TNPO3: variants seen among roughly 807,000 people sequenced by gnomAD.
The protein encoded by TNPO3 is transportin 3, also known as transportin-3.
A neutral mutation model predicts 122.8 loss-of-function variants in TNPO3; 65 were observed. The observed-to-expected ratio is 0.53, with a 90% confidence interval of 0.43 to 0.65. The LOEUF (loss-of-function observed/expected upper bound fraction) is 0.65. Among genes scored for constraint, TNPO3 ranks in the 30% least tolerant of loss-of-function variants. TNPO3 has a pLI of 0.00. For missense variants in TNPO3, 850 were observed against 1,136.7 expected (o/e 0.75, Z 3.63); for synonymous variants, 372 against 411.2 (o/e 0.90, Z 1.15).
chr7:128,977,875 C>T (rs1249218467), intron 16 of TNPO3, among the ~76,000 whole-genome samples: 8 of 152,106 alleles, frequency 5.3e-5, no homozygotes, highest in African/African-American at 1.9e-4. Flanking sequence ...GGATTACAGG[C>T]GTGAGGCACT....
At chr7:129,016,655 T>C (rs1803890264) in intron 3 of TNPO3, among the ~76,000 whole-genome samples, 1 of 152,182 alleles carries the variant, frequency 6.6e-6, no homozygotes, top group Non-Finnish European at 1.5e-5. Flanking sequence ...CAACCTCCCA[T>C]TTAATATAAT....
At chr7:129,042,464 C>G (rs1193233080) in intron 1 of TNPO3, among the ~76,000 whole-genome samples, 1 of 152,084 alleles carries the variant, frequency 6.6e-6, no homozygotes, top group East Asian at 1.9e-4. Flanking sequence ...CTAGAAAAGT[C>G]AGAATTTCCC....
At chr7:128,969,469 TAC>T (rs1491356345) in intron 20 of TNPO3, among the ~76,000 whole-genome samples, 9 of 109,794 alleles carry the variant, frequency 8.2e-5, no homozygotes, top group Non-Finnish European at 1.8e-4. Flanking sequence ...GAACTGCTTT[TAC>T]AGTAATATTA....
chr7:128,963,809 C>T (rs547469609), intron 21 of TNPO3, among the ~76,000 whole-genome samples: 101 of 152,186 alleles, frequency 6.6e-4, no homozygotes, highest in Non-Finnish European at 1.3e-4. Flanking sequence ...AGCTCTTGTA[C>T]CACTGCTTAA....
intron 21 of TNPO3, among the ~76,000 whole-genome samples, chr7:128,962,092 G>A (rs936679043): frequency 2.6e-4 from 40 of 152,254 alleles, no homozygotes; most frequent in African/African-American, 3.4e-4. Context: ...TTGGCCAGGC[G>A]CGGTGGCTCA....
At chr7:128,999,430 T>A (rs566608509) in intron 7 of TNPO3, among the ~76,000 whole-genome samples, 13 of 152,282 alleles carry the variant, frequency 8.5e-5, no homozygotes, top group African/African-American at 2.9e-4. Context: ...AATCTAGGTA[T>A]CCTCGTAACA....
chr7:128,991,768 C>T (rs1800770784), intron 10 of TNPO3, among the ~76,000 whole-genome samples: 1 of 152,102 alleles, frequency 6.6e-6, no homozygotes, highest in Non-Finnish European at 1.5e-5. Flanking sequence ...CATTCTATTC[C>T]TAGCATCAAG....
intron 1 of TNPO3, among the ~76,000 whole-genome samples, chr7:129,026,092 C>A (rs1255626522): frequency 6.8e-6 from 1 of 147,740 alleles, no homozygotes; most frequent in Non-Finnish European, 1.5e-5. Context: ...TGCCATTGCA[C>A]TCCAGCCTGG....
At chr7:128,970,420 G>A in intron 19 of TNPO3, 105 bp from the exon 20 acceptor site, 1 of 1,084,892 alleles carries the variant, frequency 9.2e-7, no homozygotes, top group Non-Finnish European at 1.3e-6. Flanking sequence ...GAAAGTGTGT[G>A]TGTGTGTGCA....
chr7:129,035,637 A>G (rs1207786807), intron 1 of TNPO3, among the ~76,000 whole-genome samples: 2 of 152,144 alleles, frequency 1.3e-5, no homozygotes, highest in Non-Finnish European at 2.9e-5. Flanking sequence ...AAGCAAAACC[A>G]AGTGACAACA....
chr7:129,003,991 C>T (rs901602740), intron 5 of TNPO3, among the ~76,000 whole-genome samples: 1 of 152,120 alleles, frequency 6.6e-6, no homozygotes, highest in Non-Finnish European at 1.5e-5. Flanking sequence ...ACTCTTCACA[C>T]TATTTGTTGA....
At chr7:128,972,322 A>G in intron 19 of TNPO3, 104 bp downstream of exon 19, 3 of 1,289,218 alleles carry the variant, frequency 2.3e-6, no homozygotes, top group East Asian at 2.3e-5. Flanking sequence ...CTACCAATAT[A>G]GATCAAGTAA....
At chr7:129,035,954 T>TC (rs150819043) in intron 1 of TNPO3, among the ~76,000 whole-genome samples, 37,252 of 111,612 alleles carry the variant, frequency 0.33, 5,366 homozygotes, top group Middle Eastern at 0.41. Flanking sequence ...TCTTTTCTTT[T>TC]TTTTTTTTTT....
At chr7:128,980,204 A>G (rs1000364874) in intron 14 of TNPO3, among the ~76,000 whole-genome samples, 173 bp from the exon 15 acceptor site, 2 of 152,180 alleles carry the variant, frequency 1.3e-5, no homozygotes, top group Admixed American at 1.3e-4. Context: ...TCATCCTATC[A>G]TTTTTTGGCC....
At chr7:129,048,094 T>A (rs576872693) in intron 1 of TNPO3, among the ~76,000 whole-genome samples, 151 of 152,124 alleles carry the variant, frequency 9.9e-4, no homozygotes, top group Non-Finnish European at 1.9e-3. Flanking sequence ...TGGTGGTGCA[T>A]GCCTGTAGTC....
At chr7:129,048,540 T>C (rs1291053153) in intron 1 of TNPO3, among the ~76,000 whole-genome samples, 4 of 150,682 alleles carry the variant, frequency 2.7e-5, no homozygotes, top group African/African-American at 7.3e-5. Flanking sequence ...AAAAAATAAA[T>C]AAACAAAGAG....
Position 129,001,155 on chromosome 7 carries a change from A to G in TNPO3, c.776T>C (p.Val259Ala). 3 of 1,614,158 alleles carry G rather than the reference A, an allele frequency of 1.9e-6. No homozygotes were observed. The highest frequency in any genetic ancestry group is 2.5e-6 in the Non-Finnish European group (3 of 1,180,018). Reference protein sequence around the residue: ...VCSALYAIENVETNLPLAMQL... With the variant: ...VCSALYAIENAETNLPLAMQL... ...CATGGCTAATGGCAAGTTAGTCTCC[A>G]CATTCTCAATGGCATAGAGAGCTGA... Residue 259 changes from valine to alanine, a missense_variant, in exon 6 of 23, where the codon GTG becomes GCG. Coordinates refer to ENST00000265388, the MANE Select transcript of TNPO3 (RefSeq NM_012470.4).
chr7:129,011,296 A>T lies in TNPO3; in HGVS notation c.552+3683T>A, dbSNP rs937323743. On this transcript the variant is annotated intron_variant, in intron 4 of 22. Coordinates refer to ENST00000265388, the MANE Select transcript of TNPO3 (RefSeq NM_012470.4). The stretch of plus-strand genomic sequence containing the variant: ...GTGGGACTGTGACTAAGAACCTGAT[A>T]CAAGGCATAGTTACAGATTGGATAT... Among the ~76,000 whole-genome samples, 3 of 152,212 alleles carry T rather than the reference A, an allele frequency of 2.0e-5. No homozygotes were observed. In the East Asian group the frequency reaches 5.8e-4, roughly 29 times the overall value.
chr7:128,978,921 C>A, intron 16 of TNPO3, 62 bp downstream of exon 16: 1 of 1,589,390 alleles, frequency 6.3e-7, no homozygotes. Flanking sequence ...CGTGAGCCAC[C>A]GCACCCTGCC....
Sources: allele counts gnomAD v4.1 joint callset (sites outside exome capture counted in the v4.1 genomes callset), GRCh38; gene constraint gnomAD v4.1.1; transcripts MANE v1.5; gene names NCBI Gene and HGNC (gene_info 2026-07-23, HGNC 2026-07-21).